Variants in PARD3 observed in about 807,000 individuals in gnomAD.
PARD3 encodes par-3 family cell polarity regulator, also known as partitioning defective 3 homolog.
In PARD3, 75 loss-of-function variants were observed where a neutral mutation model predicts 155.4. The ratio of observed to expected loss-of-function variants is 0.48; its 90% CI spans 0.40 to 0.58. The LOEUF is 0.58. Among genes scored for constraint, PARD3 ranks in the 20% least tolerant of loss-of-function variants. The pLI, the probability that PARD3 is intolerant of heterozygous loss-of-function variation, is 0.00. For missense variants in PARD3, 1,642 were observed against 1,721.7 expected (o/e 0.95, Z 0.82); for synonymous variants, 576 against 610.5 (o/e 0.94, Z 0.83).
At chr10:34,338,957 A>G (rs1444706548) in intron 16 of PARD3, among the ~76,000 whole-genome samples, 1 of 152,212 alleles carries the variant, frequency 6.6e-6, no homozygotes, top group African/African-American at 2.4e-5. Context: ...AACACAAATT[A>G]TGATGACAGA....
chr10:34,143,274 G>A (rs746764070), intron 22 of PARD3, among the ~76,000 whole-genome samples: 1 of 151,632 alleles, frequency 6.6e-6, no homozygotes, highest in Non-Finnish European at 1.5e-5. Flanking sequence ...TCGTGCCACC[G>A]CACCCCAGCC....
chr10:34,285,533 G>A (rs151227320), intron 20 of PARD3, among the ~76,000 whole-genome samples: 472 of 151,692 alleles, frequency 3.1e-3, no homozygotes, highest in Non-Finnish European at 5.1e-3. Context: ...CTGTGATTGC[G>A]CCACTGTGCT....
intron 1 of PARD3, among the ~76,000 whole-genome samples, chr10:34,805,880 G>A (rs1241764708): frequency 1.3e-5 from 2 of 151,968 alleles, no homozygotes; most frequent in African/African-American, 2.4e-5. Context: ...GGGAGGCTGA[G>A]GCAGGAGAAT....
chr10:34,419,344 C>G (rs1845971628), intron 5 of PARD3, among the ~76,000 whole-genome samples: 1 of 151,942 alleles, frequency 6.6e-6, no homozygotes. Context: ...TGGTGAAACC[C>G]CGCCTCTACT....
intron 1 of PARD3, among the ~76,000 whole-genome samples, chr10:34,732,817 T>G (rs1000563662): frequency 1.3e-5 from 2 of 152,184 alleles, no homozygotes; most frequent in African/African-American, 4.8e-5. Context: ...AGTTGAGCCT[T>G]CAAATAAATG....
intron 2 of PARD3, among the ~76,000 whole-genome samples, chr10:34,551,666 C>T (rs1366919991): frequency 1.3e-5 from 2 of 152,106 alleles, no homozygotes; most frequent in Non-Finnish European, 2.9e-5. Context: ...GAAGGTTTCC[C>T]CAGCAATTAA....
chr10:34,477,240 T>C (rs1451895200), intron 3 of PARD3, among the ~76,000 whole-genome samples: 1 of 152,234 alleles, frequency 6.6e-6, no homozygotes, highest in African/African-American at 2.4e-5. Context: ...GCAAAACTGA[T>C]GCATTTTAAA....
chr10:34,435,722 ACATACAGTCTAAG>A (rs1408700554), intron 5 of PARD3, among the ~76,000 whole-genome samples: 1 of 152,232 alleles, frequency 6.6e-6, no homozygotes, highest in Admixed American at 6.5e-5. Context: ...CTATCATATA[ACATACAGTCTAAG>A]ACATAACAGG....
At chr10:34,376,165 C>T (rs1841215655) in intron 10 of PARD3, among the ~76,000 whole-genome samples, 1 of 152,112 alleles carries the variant, frequency 6.6e-6, no homozygotes, top group South Asian at 2.1e-4. Context: ...TGTATAGCTA[C>T]AACTGTAGAT....
intron 1 of PARD3, among the ~76,000 whole-genome samples, chr10:34,788,599 A>G (rs1841272295): frequency 1.3e-5 from 2 of 152,174 alleles, no homozygotes; most frequent in Admixed American, 6.5e-5. Context: ...ACAGGCATGC[A>G]CCACCATGCC....
rs11407073 is a variant in PARD3 at position 34,685,596 on chromosome 10, C to CTT, written c.222+10720_222+10721dup. ...ACTTAATGCACGTGATTCCCGCAAT[C>CTT]TTTTTTTTTTTTTTGGAGACGGAGT... is the stretch of plus-strand genomic sequence containing the variant. On this transcript the variant is annotated intron_variant, in intron 2 of 24. Transcript: ENST00000374788. Among the ~76,000 whole-genome samples the CTT allele has an allele frequency of 2.8e-3, 402 of 145,802 alleles. 2 individuals carry two copies. Among genetic ancestry groups the CTT allele is most frequent in the South Asian group, 0.012 (55 of 4,608 alleles).
chr10:34,311,886 A>G (rs1254571446), intron 20 of PARD3, among the ~76,000 whole-genome samples: 3 of 152,200 alleles, frequency 2.0e-5, no homozygotes, highest in Admixed American at 2.0e-4. Flanking sequence ...TGACTGTACC[A>G]GCCCACACAC....
rs1300068065 is a variant in PARD3, at chr10:34,678,683, G to C, written c.222+17635C>G. On this transcript the variant is annotated intron_variant, in intron 2 of 24. Coordinates refer to ENST00000374788, the MANE Select transcript of PARD3 (RefSeq NM_001184785.2). ...AATAATAAGCATTCACAAATGAATT[G>C]ATAGCACAGAAAATATCAGTATGAT... Among the ~76,000 whole-genome samples the C allele has an allele frequency of 2.0e-5, 3 of 152,148 alleles. No homozygotes were observed. The East Asian group carries it at 5.8e-4, about 29-fold the overall frequency.
intron 22 of PARD3, among the ~76,000 whole-genome samples, chr10:34,196,521 G>C (rs1411782722): frequency 7.0e-6 from 1 of 142,530 alleles, no homozygotes; most frequent in Non-Finnish European, 1.5e-5. Flanking sequence ...TTGTTACTTA[G>C]TTTTGCCTGT....
intron 2 of PARD3, among the ~76,000 whole-genome samples, chr10:34,666,217 C>CAAAA (rs72060788): frequency 2.5e-5 from 3 of 119,772 alleles, no homozygotes; most frequent in Non-Finnish European, 3.5e-5. Context: ...AAGATCTTAT[C>CAAAA]AAAAAAAAAA....
intron 1 of PARD3, among the ~76,000 whole-genome samples, chr10:34,806,335 A>T (rs1843381526): frequency 1.3e-5 from 2 of 151,454 alleles, no homozygotes; most frequent in South Asian, 4.2e-4. Context: ...AGCTGTGATT[A>T]TAGGTGTGCA....
At chr10:34,751,273 G>T (rs7909790) in intron 1 of PARD3, among the ~76,000 whole-genome samples, 32,764 of 152,138 alleles carry the variant, frequency 0.22, 4,695 homozygotes, top group East Asian at 0.54. Flanking sequence ...GGAATTGGTT[G>T]CTGTGCTGAT....
chr10:34,492,560 T>A (rs1328792453), intron 3 of PARD3, among the ~76,000 whole-genome samples: 2 of 152,250 alleles, frequency 1.3e-5, no homozygotes, highest in Admixed American at 6.5e-5. Flanking sequence ...TTTTTCTTTA[T>A]AGGACCTAAA....
chr10:34,482,271 G>T (rs1035749147), intron 3 of PARD3, among the ~76,000 whole-genome samples: 1 of 152,022 alleles, frequency 6.6e-6, no homozygotes, highest in Non-Finnish European at 1.5e-5. Flanking sequence ...CTGGCCTCAA[G>T]TTATCCTCCC....
Sources: gnomAD v4.1 joint callset for allele counts (sites outside exome capture counted in the v4.1 genomes callset) on GRCh38, gnomAD v4.1.1 for gene constraint, MANE v1.5 for transcripts, NCBI Gene and HGNC (gene_info 2026-07-23, HGNC 2026-07-21) for gene names.